PAQR5: variants seen among roughly 807,000 people sequenced by gnomAD.
PAQR5 encodes membrane progestin receptor gamma.
PAQR5 carries 20 observed loss-of-function variants against 34.5 expected under a neutral mutation model. That is an observed-to-expected ratio of 0.58 (90% confidence interval 0.41 to 0.84). PAQR5 has a LOEUF of 0.84. Among genes scored for constraint, PAQR5 ranks in the 40% least tolerant of loss-of-function variants. The pLI is 0.00. For synonymous variants in PAQR5, 131 were observed against 155.6 expected (o/e 0.84, Z 1.18); for missense variants, 378 against 412.7 (o/e 0.92, Z 0.73).
chr15:69,349,044 C>A (rs1301791635), intron 2 of PAQR5, among the ~76,000 whole-genome samples: 1 of 152,096 alleles, frequency 6.6e-6, no homozygotes, highest in Admixed American at 6.5e-5. Context: ...ACTGGTAAAG[C>A]ATTATTTTGG....
intron 3 of PAQR5, among the ~76,000 whole-genome samples, chr15:69,372,763 C>G (rs1253174918): frequency 6.6e-6 from 1 of 152,084 alleles, no homozygotes; most frequent in Admixed American, 6.5e-5. Flanking sequence ...AAAGCCCAAT[C>G]ACTTCTCCTA....
At chr15:69,389,064 C>G (rs2056187211) in intron 5 of PAQR5, among the ~76,000 whole-genome samples, 1 of 152,252 alleles carries the variant, frequency 6.6e-6, no homozygotes, top group Non-Finnish European at 1.5e-5. Flanking sequence ...CAACGCAACA[C>G]CCAACCTCTC....
At chr15:69,380,541 C>T (rs1473252569) in intron 4 of PAQR5, among the ~76,000 whole-genome samples, 5 of 152,306 alleles carry the variant, frequency 3.3e-5, no homozygotes, top group African/African-American at 9.6e-5. Flanking sequence ...GGCACTTGGT[C>T]AGGCAGCCTG....
At chr15:69,402,972 G>A (rs2056680714) in intron 8 of PAQR5, among the ~76,000 whole-genome samples, 1 of 152,254 alleles carries the variant, frequency 6.6e-6, no homozygotes, top group African/African-American at 2.4e-5. Flanking sequence ...CATGGCATTG[G>A]GGAGGAAGAG....
chr15:69,300,958 TC>T (rs2053585659), intron 1 of PAQR5, among the ~76,000 whole-genome samples: 1 of 42,708 alleles, frequency 2.3e-5, no homozygotes, highest in African/African-American at 7.8e-5. Context: ...CTTCTTTCTT[TC>T]TTTCTTTCTT....
chr15:69,351,295 G>A (rs2054911582), intron 2 of PAQR5, among the ~76,000 whole-genome samples: 1 of 152,234 alleles, frequency 6.6e-6, no homozygotes, highest in South Asian at 2.1e-4. Flanking sequence ...TCCCCATTCG[G>A]CTTATGTATT....
intron 3 of PAQR5, among the ~76,000 whole-genome samples, chr15:69,373,991 A>T (rs1173911687): frequency 2.6e-5 from 4 of 152,056 alleles, no homozygotes; most frequent in Admixed American, 1.3e-4. Flanking sequence ...TCCATCCCTG[A>T]TATTCATCAT....
intron 3 of PAQR5, among the ~76,000 whole-genome samples, chr15:69,363,153 C>A (rs1314214747): frequency 6.6e-6 from 1 of 152,214 alleles, no homozygotes; most frequent in East Asian, 1.9e-4. Context: ...CCTGTCTGGG[C>A]CTCAGCCATC....
intron 1 of PAQR5, among the ~76,000 whole-genome samples, chr15:69,328,141 G>T (rs2054296346): frequency 6.6e-6 from 1 of 152,098 alleles, no homozygotes; most frequent in African/African-American, 2.4e-5. Flanking sequence ...TCTAAATTGT[G>T]GCTACCAAAA....
chr15:69,360,315 A>G (rs2055199148), intron 3 of PAQR5, among the ~76,000 whole-genome samples, 184 bp downstream of exon 3: 1 of 152,206 alleles, frequency 6.6e-6, no homozygotes, highest in Non-Finnish European at 1.5e-5. Context: ...CTTGAAATGG[A>G]AGTATTCCCA....
intron 6 of PAQR5, among the ~76,000 whole-genome samples, chr15:69,396,349 G>T (rs1038503277): frequency 2.0e-5 from 3 of 151,886 alleles, no homozygotes; most frequent in African/African-American, 7.3e-5. Context: ...GCCACAGCAG[G>T]ACACAGACCC....
chr15:69,322,758 G>GAAA (rs1372313789), intron 1 of PAQR5, among the ~76,000 whole-genome samples: 1 of 46,394 alleles, frequency 2.2e-5, no homozygotes, highest in South Asian at 8.8e-4. Flanking sequence ...AGAAGAAGAA[G>GAAA]AAGAAGAAGA....
chr15:69,323,609 T>A (rs563826973), intron 1 of PAQR5, among the ~76,000 whole-genome samples: 1 of 152,294 alleles, frequency 6.6e-6, no homozygotes, highest in African/African-American at 2.4e-5. Context: ...GTTAGAGGAC[T>A]CATTCATTTA....
At chr15:69,398,016 G>A (rs1173284448) in intron 7 of PAQR5, among the ~76,000 whole-genome samples, 2 of 152,136 alleles carry the variant, frequency 1.3e-5, no homozygotes, top group Non-Finnish European at 2.9e-5. Flanking sequence ...TCTGCAGGCA[G>A]GTCTCCAATA....
intron 2 of PAQR5, among the ~76,000 whole-genome samples, chr15:69,358,308 C>T (rs1323030504): frequency 6.6e-6 from 1 of 152,150 alleles, no homozygotes; most frequent in Non-Finnish European, 1.5e-5. Flanking sequence ...GCTCTGTCTC[C>T]AACAAGTGCC....
intron 1 of PAQR5, among the ~76,000 whole-genome samples, chr15:69,334,313 C>T (rs1230640820): frequency 6.6e-6 from 1 of 152,186 alleles, no homozygotes. Context: ...CAGGCATGAG[C>T]CACTGCACCC....
chr15:69,326,251 C>G (rs2054248633), intron 1 of PAQR5, among the ~76,000 whole-genome samples: 1 of 152,124 alleles, frequency 6.6e-6, no homozygotes, highest in Admixed American at 6.5e-5. Context: ...CCCCAAAGCT[C>G]CCAGCCAAGC....
Position 69,336,360 on chromosome 15 carries a change from G to A in PAQR5, c.-276-981G>A, listed in dbSNP as rs531166035. Among the ~76,000 whole-genome samples, 4 of 152,178 alleles carry A rather than the reference G, an allele frequency of 2.6e-5. No homozygotes were observed. The South Asian group carries it at 8.3e-4, about 32-fold the overall frequency. On this transcript the variant is annotated intron_variant, in intron 1 of 8. Transcript: ENST00000395407. ...CTTATTTGACATAAAAATCATACAG[G>A]AAGCATTGTCAAGTATGAAATGGTG... is the stretch of plus-strand genomic sequence containing the variant.
chr15:69,325,650 C>T (rs1361439586), intron 1 of PAQR5, among the ~76,000 whole-genome samples: 1 of 152,168 alleles, frequency 6.6e-6, no homozygotes, highest in African/African-American at 2.4e-5. Context: ...CCTGCCCACT[C>T]TCCACTTCTG....
Sources: gnomAD v4.1 joint callset for allele counts (sites outside exome capture counted in the v4.1 genomes callset) on GRCh38, gnomAD v4.1.1 for gene constraint, MANE v1.5 for transcripts, NCBI Gene and HGNC (gene_info 2026-07-23, HGNC 2026-07-21) for gene names.